BRI3: variants seen among roughly 807,000 people sequenced by gnomAD.
BRI3 encodes the protein brain protein I3, also known as membrane protein BRI3.
Under a neutral mutation model 12.8 loss-of-function variants are expected in BRI3, and 6 were observed. That is an observed-to-expected ratio of 0.47 (90% CI 0.26 to 0.93). The LOEUF is 0.93. BRI3 is among the 40% of genes least tolerant of loss of function. The pLI, the probability that BRI3 is intolerant of heterozygous loss-of-function variation, is 0.15. For synonymous variants in BRI3, 91 were observed against 76.1 expected (o/e 1.20, Z -1.02); for missense variants, 134 against 171.1 (o/e 0.78, Z 1.21).
At chr7:98,293,896 C>T (rs1800072699), downstream of BRI3, among the ~76,000 whole-genome samples, 4 of 152,200 alleles carry the variant, frequency 2.6e-5, no homozygotes, top group Admixed American at 1.3e-4. Flanking sequence ...AGCCCTGCTC[C>T]CAGCGTGGTC....
downstream of BRI3, among the ~76,000 whole-genome samples, chr7:98,313,885 C>T (rs1188690467): frequency 1.3e-5 from 2 of 151,498 alleles, no homozygotes; most frequent in Non-Finnish European, 2.9e-5. Flanking sequence ...CTGCCTTGGG[C>T]TCCCAAAGGG....
downstream of BRI3, chr7:98,311,952 C>T: frequency 1.2e-6 from 1 of 801,290 alleles, no homozygotes; most frequent in Non-Finnish European, 2.0e-6. Flanking sequence ...ACCTTCGCCC[C>T]TAAAGGTAAG....
downstream of BRI3, chr7:98,292,538 C>T (rs1410462967): frequency 8.6e-7 from 1 of 1,163,946 alleles, no homozygotes; most frequent in Non-Finnish European, 1.2e-6. Flanking sequence ...ATTTCCAGCC[C>T]CGGGCTCAGG....
chr7:98,295,775 C>T (rs1412650474), downstream of BRI3, among the ~76,000 whole-genome samples: 3 of 152,128 alleles, frequency 2.0e-5, no homozygotes, highest in Non-Finnish European at 4.4e-5. Flanking sequence ...AAGCACACCC[C>T]GGAGCTTGTT....
At chr7:98,306,845 T>C (rs953387473) in intron 1 of BRI3, 1 of 329,012 alleles carries the variant, frequency 3.0e-6, no homozygotes, top group Non-Finnish European at 5.8e-6. Flanking sequence ...TAGCTGTGAC[T>C]AGAAGTGTGC....
chr7:98,290,638 A>AGT (rs1799898633), intron 2 of BRI3, among the ~76,000 whole-genome samples: 1 of 152,148 alleles, frequency 6.6e-6, no homozygotes, highest in Non-Finnish European at 1.5e-5. Context: ...AGCCGGGACT[A>AGT]CAGGCATGTG....
At chr7:98,313,361 T>C (rs1800948005), downstream of BRI3, among the ~76,000 whole-genome samples, 3 of 152,034 alleles carry the variant, frequency 2.0e-5, no homozygotes. Context: ...GATGGTTAAG[T>C]CTAAGAAAGA....
chr7:98,311,601 C>T (rs1016859340), downstream of BRI3, among the ~76,000 whole-genome samples: 3 of 150,930 alleles, frequency 2.0e-5, no homozygotes, highest in Non-Finnish European at 3.0e-5. Context: ...AAGATAATAG[C>T]GCCAAACATA....
At chr7:98,291,547 G>A (rs182105881), downstream of BRI3, 1,383 of 1,149,698 alleles carry the variant, frequency 1.2e-3, 3 homozygotes, top group Non-Finnish European at 1.3e-3. Flanking sequence ...CTGCTTACTC[G>A]GTGCTTTCAG....
downstream of BRI3, among the ~76,000 whole-genome samples, chr7:98,296,240 G>T (rs187576405): frequency 1.2e-4 from 19 of 152,240 alleles, no homozygotes; most frequent in Non-Finnish European, 1.2e-4. Context: ...CGTGGGGGCC[G>T]GGAACGTCCT....
intron 2 of BRI3, among the ~76,000 whole-genome samples, chr7:98,286,295 C>T (rs868446283): frequency 5.3e-5 from 8 of 152,222 alleles, no homozygotes; most frequent in South Asian, 4.1e-4. Context: ...GGGAGCCCCG[C>T]GGCCTCTACT....
At chr7:98,312,063 C>A (rs1268365006), downstream of BRI3, 1 of 1,555,370 alleles carries the variant, frequency 6.4e-7, no homozygotes, top group South Asian at 1.2e-5. Context: ...AGGAAACACA[C>A]GATTGAAATC....
chr7:98,283,040 T>C (rs996215139), intron 2 of BRI3: 2 of 134,326 alleles, frequency 1.5e-5, no homozygotes, highest in African/African-American at 5.1e-5. Flanking sequence ...TATCCTCGCA[T>C]TGGACCTGCA....
chr7:98,291,399 G>C lies in BRI3; in HGVS notation c.*156G>C. ...CAGCTGCGGTTTCCCGGAGCGTGGA[G>C]AGGCAGTGCTGCTGCTCCCGCCCGA... On this transcript the variant is annotated 3_prime_UTR_variant, in exon 3 of 3. Coordinates refer to ENST00000297290, the MANE Select transcript of BRI3 (RefSeq NM_015379.5). 3 of 1,460,324 alleles carry C rather than the reference G, an allele frequency of 2.1e-6. No individual in the cohort carries two copies. The highest frequency in any genetic ancestry group is 2.7e-6 in the Non-Finnish European group (3 of 1,106,376). The allele number at this position is 1,460,324 out of a possible 1,614,324, so 90.5% of individuals were successfully genotyped here.
At chr7:98,310,798 T>A (rs1175464702), downstream of BRI3, among the ~76,000 whole-genome samples, 1 of 152,150 alleles carries the variant, frequency 6.6e-6, no homozygotes, top group African/African-American at 2.4e-5. Flanking sequence ...GTGATTCTTG[T>A]GCCTCAGCCT....
At chr7:98,322,699 G>A in the BRI3 span, among the ~76,000 whole-genome samples, 61,239 of 151,940 alleles carry the variant, frequency 0.4, 13,311 homozygotes, top group Middle Eastern at 0.54. Context: ...GTGGGCTTTC[G>A]AGGAGGTCCT....
In BRI3 at chr7:98,291,380, C is replaced by T. The variant is rs1400658534; in HGVS notation, c.*137C>T. ...GGACCGATGTGGCACACGCCAGCTG[C>T]GGTTTCCCGGAGCGTGGAGAGGCAG... On this transcript the variant is annotated 3_prime_UTR_variant, in exon 3 of 3. Coordinates refer to ENST00000297290, the MANE Select transcript of BRI3 (RefSeq NM_015379.5). The T allele has an allele frequency of 2.7e-5, 40 of 1,481,356 alleles. No individual in the cohort carries two copies. The highest frequency in any genetic ancestry group is 8.3e-5 in the South Asian group (6 of 72,122). 91.8% of individuals were successfully genotyped at this position (1,481,356 alleles called of 1,614,324 possible).
downstream of BRI3, among the ~76,000 whole-genome samples, chr7:98,294,450 G>A (rs959395804): frequency 6.6e-6 from 1 of 152,204 alleles, no homozygotes; most frequent in South Asian, 2.1e-4. Context: ...GGCCCTCCCA[G>A]GTGTCAGAGC....
chr7:98,322,009 C>T, the BRI3 span, among the ~76,000 whole-genome samples: 121,471 of 151,948 alleles, frequency 0.8, 48,673 homozygotes, highest in Middle Eastern at 0.83. Context: ...GGTGGGAGAA[C>T]TGCTTGAACC....
Sources: allele counts gnomAD v4.1 joint callset (sites outside exome capture counted in the v4.1 genomes callset), GRCh38; gene constraint gnomAD v4.1.1; transcripts MANE v1.5; gene names NCBI Gene and HGNC (gene_info 2026-07-23, HGNC 2026-07-21).